Variants in PYROXD2 observed in about 807,000 individuals in gnomAD.
PYROXD2 encodes the protein pyridine nucleotide-disulfide oxidoreductase domain-containing protein 2.
PYROXD2 carries 69 observed loss-of-function variants against 71.1 expected under a neutral mutation model. The observed-to-expected ratio is 0.97, with a 90% CI of 0.80 to 1.19. The LOEUF (loss-of-function observed/expected upper bound fraction) is 1.19. PYROXD2 is among the 50% of genes most tolerant of loss of function. PYROXD2 has a pLI of 0.00. For synonymous variants in PYROXD2, 287 were observed against 302.7 expected, an observed-to-expected ratio of 0.95 and a Z score of 0.54; for missense variants, 745 against 748.9, an observed-to-expected ratio of 0.99 and a Z score of 0.06.
intron 12 of PYROXD2, among the ~76,000 whole-genome samples, chr10:98,390,393 C>T (rs931052963): frequency 4.6e-5 from 7 of 152,258 alleles, no homozygotes; most frequent in Middle Eastern, 3.4e-3. Context: ...TAACCTGAGC[C>T]GCTCTTCACC....
At position 98,395,194 on chromosome 10, in the gene PYROXD2, A is replaced by AC. The variant is rs1385366383; in HGVS notation, c.785+1dup. 6.2e-7 allele frequency: 1 copy of AC among 1,611,314 alleles called. No individual in the cohort carries two copies. The highest frequency in any genetic ancestry group is 1.7e-5 in the Admixed American group (1 of 59,960). Reference sequence around the variant, plus strand: ...GTGTCCCACCTCACCCCCCTCACTCACCCACTCCCCGGAGTGTGGGGACTT... The same window carrying AC: ...GTGTCCCACCTCACCCCCCTCACTCACCCCACTCCCCGGAGTGTGGGGACTT... On this transcript the variant is annotated splice_donor_variant, in intron 8 of 15. Transcript: ENST00000370575. LOFTEE classifies it high-confidence loss of function.
At chr10:98,391,402 G>A (rs909565994) in intron 10 of PYROXD2, among the ~76,000 whole-genome samples, 5 of 152,158 alleles carry the variant, frequency 3.3e-5, no homozygotes, top group Non-Finnish European at 7.3e-5. Flanking sequence ...GACGATCTCA[G>A]AATTGCCTTA....
chr10:98,400,329 G>A, intron 4 of PYROXD2, 72 bp from the exon 5 acceptor site: 1 of 1,445,626 alleles, frequency 6.9e-7, no homozygotes, highest in Non-Finnish European at 9.4e-7. Context: ...TTCTCCGATT[G>A]TGTTTGTGTG....
intron 5 of PYROXD2, 69 bp downstream of exon 5, chr10:98,400,033 A>G (rs543682945): frequency 4.2e-5 from 66 of 1,565,346 alleles, no homozygotes; most frequent in Non-Finnish European, 5.4e-5. Context: ...TTGTTCTAGG[A>G]CAATCCAACC....
rs1034377154 is a variant in PYROXD2, at chr10:98,400,223, T to G, written c.350A>C (p.Tyr117Ser). 6.2e-7 allele frequency: 1 copy of G among 1,611,634 alleles called. No individual in the cohort carries two copies. The highest frequency in any genetic ancestry group is 8.5e-7 in the Non-Finnish European group (1 of 1,178,814). The change falls in exon 5 of 16, where the codon TAC (tyrosine) becomes TCC (serine). Residue 117 changes from tyrosine to serine, a missense_variant. Coordinates refer to ENST00000370575, the MANE Select transcript of PYROXD2 (RefSeq NM_032709.3). Reference sequence around the variant, plus strand: ...CTCTTCCAGCATGGGGGTGAAGGAGTAGGGGTTTCGAAGATGAAGCCTCAG... The same window carrying G: ...CTCTTCCAGCATGGGGGTGAAGGAGGAGGGGTTTCGAAGATGAAGCCTCAG... ...HGLRLHLRNP[Y>S]SFTPMLEEGA...
chr10:98,389,475 C>T (rs776245348), intron 12 of PYROXD2, among the ~76,000 whole-genome samples: 7 of 152,178 alleles, frequency 4.6e-5, no homozygotes, highest in Non-Finnish European at 7.3e-5. Context: ...AGGCTCTGCA[C>T]AAACTTTCCT....
chr10:98,400,568 C>T (rs1451352984), intron 4 of PYROXD2, among the ~76,000 whole-genome samples: 1 of 151,812 alleles, frequency 6.6e-6, no homozygotes, highest in Non-Finnish European at 1.5e-5. Flanking sequence ...CATCACATCA[C>T]ACCACACACA....
rs199640378 is a variant in PYROXD2, at chr10:98,392,430, A to C, written c.1062+2T>G. 132 of 1,612,848 alleles carry C rather than the reference A, an allele frequency of 8.2e-5. 1 individual carries two copies. The Middle Eastern group carries it at 2.1e-3, about 26-fold the overall frequency. ...GCTCCACCCTCCTGCCCACAGCCTC[A>C]CCTGTGGCGTCAGCTTCAGGAAGGT... On this transcript the variant is annotated splice_donor_variant, in intron 10 of 15. Transcript: ENST00000370575. LOFTEE classifies it high-confidence loss of function.
intron 2 of PYROXD2, chr10:98,410,710 C>T (rs1843754958): frequency 1.7e-6 from 1 of 599,722 alleles, no homozygotes; most frequent in Non-Finnish European, 2.8e-6. Context: ...AACCACCTTT[C>T]CCCATTAGGG....
intron 1 of PYROXD2, among the ~76,000 whole-genome samples, chr10:98,413,714 A>G (rs1843867768): frequency 6.6e-6 from 1 of 152,204 alleles, no homozygotes; most frequent in South Asian, 2.1e-4. Context: ...ACTCCATCTC[A>G]ATAAATGAAT....
chr10:98,407,028 G>A lies in PYROXD2; in HGVS notation c.315+554C>T, dbSNP rs542815899. 2.0e-4 allele frequency among the ~76,000 whole-genome samples: 30 copies of A among 151,012 alleles called. 1 individual carries two copies. In the South Asian group the frequency reaches 5.7e-3, roughly 29 times the overall value. On this transcript the variant is annotated intron_variant, in intron 4 of 15. Coordinates refer to ENST00000370575, the MANE Select transcript of PYROXD2 (RefSeq NM_032709.3). ...CAATCAGCCTCAAGAATGTGGTGACGCGGTTTATAAGACAGTGGGGGTGAA... is the reference window on the plus strand; with the variant it reads ...CAATCAGCCTCAAGAATGTGGTGACACGGTTTATAAGACAGTGGGGGTGAA...
chr10:98,405,450 C>T (rs1843565915), intron 4 of PYROXD2, among the ~76,000 whole-genome samples: 1 of 152,168 alleles, frequency 6.6e-6, no homozygotes, highest in Non-Finnish European at 1.5e-5. Flanking sequence ...CTTTCTGGAG[C>T]CTCAGTTTTC....
intron 4 of PYROXD2, among the ~76,000 whole-genome samples, chr10:98,404,611 C>G (rs1022420850): frequency 6.6e-6 from 1 of 152,030 alleles, no homozygotes; most frequent in Non-Finnish European, 1.5e-5. Context: ...TTTATTTACC[C>G]CATGAGAGTT....
intron 11 of PYROXD2, 102 bp downstream of exon 11, chr10:98,390,908 C>T (rs1842925991): frequency 7.4e-7 from 1 of 1,343,922 alleles, no homozygotes; most frequent in Non-Finnish European, 1.1e-6. Flanking sequence ...GGCTGGAGGT[C>T]CGGGAATGGA....
Position 98,390,706 on chromosome 10 carries a change from C to T in PYROXD2, c.1184G>A (p.Arg395Lys). The T allele has an allele frequency of 1.2e-6, 2 of 1,611,486 alleles. No individual in the cohort carries two copies. The highest frequency in any genetic ancestry group is 1.7e-6 in the Non-Finnish European group (2 of 1,178,726). The change falls in exon 12 of 16, where the codon AGG (arginine) becomes AAG (lysine). Residue 395 changes from arginine (R) to lysine (K), a missense_variant. Physicochemically the swap from Arg to Lys is conservative, Grantham distance 26. Transcript: ENST00000370575. ...TTGGTGATGGGGCAGCGGCTGGCCC[C>T]TGGGAGCATTGGGGGCCGCCAGGAA... ...PSFLAAPNAP[R>K]GQPLPHHQCS...
At chr10:98,406,870 C>T (rs566464082) in intron 4 of PYROXD2, among the ~76,000 whole-genome samples, 3 of 123,718 alleles carry the variant, frequency 2.4e-5, no homozygotes, top group South Asian at 2.6e-4. Flanking sequence ...CCAGCCTGGG[C>T]GACAGAGCCA....
chr10:98,387,109 T>C, intron 14 of PYROXD2, 92 bp downstream of exon 14: 1 of 942,432 alleles, frequency 1.1e-6, no homozygotes, highest in Non-Finnish European at 1.6e-6. Context: ...AAGCTGAGTA[T>C]GGAGGGACAA....
intron 4 of PYROXD2, among the ~76,000 whole-genome samples, chr10:98,403,542 G>A (rs778723657): frequency 1.3e-5 from 2 of 152,136 alleles, no homozygotes; most frequent in African/African-American, 2.4e-5. Context: ...GGTGCTCTCT[G>A]CCTGTCTGCT....
intron 8 of PYROXD2, among the ~76,000 whole-genome samples, chr10:98,394,470 C>A (rs1355385656): frequency 6.6e-6 from 1 of 151,984 alleles, no homozygotes; most frequent in African/African-American, 2.4e-5. Context: ...TCGACGCCTT[C>A]TAGCTTCTAG....
Sources: allele counts gnomAD v4.1 joint callset (sites outside exome capture counted in the v4.1 genomes callset), GRCh38; gene constraint gnomAD v4.1.1; transcripts MANE v1.5; gene names NCBI Gene and HGNC (gene_info 2026-07-23, HGNC 2026-07-21).